R3HDM1: variants seen among roughly 807,000 people sequenced by gnomAD.
The protein encoded by R3HDM1 is R3H domain containing 1.
A neutral mutation model predicts 141.1 loss-of-function variants in R3HDM1; 46 were observed. The ratio of observed to expected loss-of-function variants is 0.33; its 90% CI spans 0.26 to 0.42. The LOEUF (loss-of-function observed/expected upper bound fraction) is 0.42. Among genes scored for constraint, R3HDM1 ranks in the 10% least tolerant of loss-of-function variants. R3HDM1 has a pLI of 1.00. For missense variants in R3HDM1, 1,184 were observed against 1,368.3 expected (o/e 0.87, Z 2.12); for synonymous variants, 435 against 472.9 (o/e 0.92, Z 1.04).
At chr2:135,541,042 C>T (rs113668097) in intron 1 of R3HDM1, among the ~76,000 whole-genome samples, 1 of 151,946 alleles carries the variant, frequency 6.6e-6, no homozygotes, top group Non-Finnish European at 1.5e-5. Flanking sequence ...TTTAAGTATT[C>T]GTAAATAGCA....
intron 1 of R3HDM1, among the ~76,000 whole-genome samples, chr2:135,596,544 C>T (rs2059208700): frequency 6.6e-6 from 1 of 151,888 alleles, no homozygotes; most frequent in Admixed American, 6.6e-5. Flanking sequence ...CTTTCATTTC[C>T]CTCTCCAGAG....
intron 1 of R3HDM1, among the ~76,000 whole-genome samples, chr2:135,555,700 A>G (rs1700622662): frequency 6.6e-6 from 1 of 152,176 alleles, no homozygotes; most frequent in South Asian, 2.1e-4. Flanking sequence ...GCAAAATGTA[A>G]TATCCATGCA....
At position 135,639,077 on chromosome 2, in the gene R3HDM1, G is replaced by T; in HGVS notation, c.1174G>T (p.Asp392Tyr). Residue 392 changes from aspartate (D) to tyrosine (Y), a missense_variant, in exon 14 of 27, where the codon GAT becomes TAT. By Grantham distance (160) the Asp-to-Tyr change is radical (BLOSUM62 -3). This residue lies in a region of R3HDM1 where 240 missense variants were observed against 312.3 expected (regional missense o/e 0.77). Transcript: ENST00000683871. ...TGGAATCTCAGTCCTGACAAGAGGTGATAGTTCTGGAAGCAGCAAAAGCAT... is the reference window on the plus strand; with the variant it reads ...TGGAATCTCAGTCCTGACAAGAGGTTATAGTTCTGGAAGCAGCAAAAGCAT... ...FSGISVLTRG[D>Y]SSGSSKSIGR... is the part of the protein sequence containing the mutation. The T allele has an allele frequency of 6.2e-7, 1 of 1,614,140 alleles. No homozygotes were observed. The highest frequency in any genetic ancestry group is 8.5e-7 in the Non-Finnish European group (1 of 1,180,024).
intron 21 of R3HDM1, among the ~76,000 whole-genome samples, chr2:135,686,070 C>T (rs1033366373): frequency 2.0e-5 from 3 of 152,114 alleles, no homozygotes; most frequent in Admixed American, 2.0e-4. Flanking sequence ...AGAAAGGATG[C>T]TTGATATCAC....
chr2:135,541,357 G>A (rs548653146), intron 1 of R3HDM1, among the ~76,000 whole-genome samples: 15 of 152,124 alleles, frequency 9.9e-5, no homozygotes, highest in African/African-American at 3.1e-4. Flanking sequence ...ACAGGCGCCC[G>A]CCACCATGCC....
At chr2:135,578,823 AAGTC>A (rs1239431267) in intron 1 of R3HDM1, among the ~76,000 whole-genome samples, 3 of 152,208 alleles carry the variant, frequency 2.0e-5, no homozygotes, top group Non-Finnish European at 4.4e-5. Flanking sequence ...TAGATAATGA[AAGTC>A]AGACTTCTCA....
chr2:135,533,893 A>T (rs1013622837), intron 1 of R3HDM1: 1 of 699,098 alleles, frequency 1.4e-6, no homozygotes, highest in Non-Finnish European at 1.8e-6. Context: ...GAAAACAGAA[A>T]ATTAGAGGTA....
At chr2:135,585,804 TA>T (rs996258932) in intron 1 of R3HDM1, among the ~76,000 whole-genome samples, 1 of 152,206 alleles carries the variant, frequency 6.6e-6, no homozygotes, top group African/African-American at 2.4e-5. Flanking sequence ...TATGAAGAAG[TA>T]ATGCTCTTGC....
At chr2:135,702,729 A>T (rs1406526746) in intron 21 of R3HDM1, among the ~76,000 whole-genome samples, 1 of 151,926 alleles carries the variant, frequency 6.6e-6, no homozygotes, top group Non-Finnish European at 1.5e-5. Context: ...AGGAAAGAGA[A>T]TCACTTGAAC....
chr2:135,602,762 A>G, intron 2 of R3HDM1, 54 bp downstream of exon 2: 4 of 1,366,644 alleles, frequency 2.9e-6, no homozygotes, highest in Non-Finnish European at 3.8e-6. Context: ...AATCTCACCT[A>G]TAAAAAGCAA....
At chr2:135,582,592 G>A (rs1707068719) in intron 1 of R3HDM1, among the ~76,000 whole-genome samples, 1 of 152,132 alleles carries the variant, frequency 6.6e-6, no homozygotes, top group South Asian at 2.1e-4. Flanking sequence ...TGCAGGGAAT[G>A]GGGGAAGTCT....
intron 1 of R3HDM1, among the ~76,000 whole-genome samples, chr2:135,559,978 C>T (rs553967374): frequency 5.2e-4 from 79 of 152,276 alleles, no homozygotes; most frequent in Admixed American, 1.5e-3. Context: ...TAATTCAGTT[C>T]GCATCTGTTC....
At chr2:135,681,919 C>A (rs1274943751) in intron 21 of R3HDM1, among the ~76,000 whole-genome samples, 5 of 151,774 alleles carry the variant, frequency 3.3e-5, no homozygotes, top group Non-Finnish European at 5.9e-5. Context: ...TTAGCTAATC[C>A]CAGCCCCTTT....
chr2:135,681,782 C>A (rs568589931), intron 21 of R3HDM1, among the ~76,000 whole-genome samples: 1 of 152,036 alleles, frequency 6.6e-6, no homozygotes, highest in African/African-American at 2.4e-5. Context: ...CCCCCTGGAT[C>A]CTGAAAAACA....
In R3HDM1 at chr2:135,621,749, C is replaced by T. The variant is rs1031229589; in HGVS notation, c.418+141C>T. The T allele has an allele frequency of 7.9e-6, 10 of 1,270,558 alleles. No individual in the cohort carries two copies. The Admixed American group carries it at 3.4e-4, about 43-fold the overall frequency. The allele number at this position is 1,270,558 out of a possible 1,614,324, so 78.7% of individuals were successfully genotyped here. The stretch of plus-strand genomic sequence containing the variant: ...TGGAAGGATGATACAGTACTTAACT[C>T]ATCTGGGCAAAATGGTTTAACACAG... On this transcript the variant is annotated intron_variant, in intron 6 of 26. Coordinates refer to ENST00000683871, the MANE Select transcript of R3HDM1 (RefSeq NM_001378107.1).
At chr2:135,605,194 G>A (rs972104517) in intron 3 of R3HDM1, 178 bp downstream of exon 3, 5 of 502,660 alleles carry the variant, frequency 9.9e-6, no homozygotes, top group Non-Finnish European at 1.4e-5. Context: ...AACTTGGCTT[G>A]TATCATGTAA....
chr2:135,537,676 A>ATTTTT (rs1559078657), intron 1 of R3HDM1, among the ~76,000 whole-genome samples: 1 of 138,506 alleles, frequency 7.2e-6, no homozygotes, highest in Non-Finnish European at 1.5e-5. Flanking sequence ...ATTTTATTTT[A>ATTTTT]CTTAGAGTCT....
chr2:135,650,404 T>C lies in R3HDM1; in HGVS notation c.1725+401T>C, dbSNP rs186797761. ...GTAGACCCAGTACCAGTTCTTAGGG[T>C]GAGTTGTAGCTTACAGCTACAGAGG... On this transcript the variant is annotated intron_variant, in intron 17 of 26. Coordinates refer to ENST00000683871, the MANE Select transcript of R3HDM1 (RefSeq NM_001378107.1). 6.9e-5 allele frequency: 68 copies of C among 984,740 alleles called. No individual in the cohort carries two copies. The East Asian group carries it at 7.3e-3, about 105-fold the overall frequency. 61.0% of individuals were successfully genotyped at this position (984,740 alleles called of 1,614,324 possible). A position where few individuals can be genotyped will look rare whatever the true frequency, so the allele number is the denominator to read the frequency against.
At chr2:135,562,924 T>G (rs1405886777) in intron 1 of R3HDM1, among the ~76,000 whole-genome samples, 1 of 152,218 alleles carries the variant, frequency 6.6e-6, no homozygotes, top group African/African-American at 2.4e-5. Flanking sequence ...CTTTACTGTT[T>G]GCTGTCAGGT....
Sources: allele counts gnomAD v4.1 joint callset (sites outside exome capture counted in the v4.1 genomes callset), GRCh38; gene constraint gnomAD v4.1.1; regional missense constraint gnomAD v4.1.1; transcripts MANE v1.5; gene names NCBI Gene and HGNC (gene_info 2026-07-23, HGNC 2026-07-21).